DNAH11: variants seen among roughly 807,000 people sequenced by gnomAD.
DNAH11 encodes dynein axonemal heavy chain 11, also known as axonemal beta dynein heavy chain 11.
DNAH11 carries 442 observed loss-of-function variants against 526.0 expected under a neutral mutation model. The observed-to-expected ratio is 0.84, with a 90% confidence interval of 0.78 to 0.91. The LOEUF (loss-of-function observed/expected upper bound fraction) is 0.91. Ranked by LOEUF, DNAH11 falls within the 40% of genes least tolerant of loss-of-function variation. DNAH11 has a pLI of 0.00. For synonymous variants in DNAH11, 2,461 were observed against 1,935.9 expected, an observed-to-expected ratio of 1.27 and a Z score of -7.12; for missense variants, 6,989 against 5,448.7, an observed-to-expected ratio of 1.28 and a Z score of -8.90.
At chr7:21,666,842 G>C (rs979195888) in intron 30 of DNAH11, among the ~76,000 whole-genome samples, 1 of 151,144 alleles carries the variant, frequency 6.6e-6, no homozygotes, top group African/African-American at 2.4e-5. Flanking sequence ...ATCATGAGTA[G>C]AGCACATACT....
At chr7:21,621,346 A>G (rs1786045277) in intron 25 of DNAH11, among the ~76,000 whole-genome samples, 1 of 152,194 alleles carries the variant, frequency 6.6e-6, no homozygotes, top group Non-Finnish European at 1.5e-5. Context: ...TACCAACCAA[A>G]AAGAGTCCAG....
chr7:21,813,259 T>C (rs924095024), intron 63 of DNAH11, among the ~76,000 whole-genome samples: 1 of 152,208 alleles, frequency 6.6e-6, no homozygotes, highest in Non-Finnish European at 1.5e-5. Context: ...CTCCACTCAT[T>C]GCTTTGACCC....
intron 55 of DNAH11, among the ~76,000 whole-genome samples, chr7:21,767,978 T>C (rs1041868788): frequency 6.6e-6 from 1 of 152,146 alleles, no homozygotes; most frequent in African/African-American, 2.4e-5. Flanking sequence ...GTTTTGTGTG[T>C]GTTGGCGTGT....
intron 79 of DNAH11, 22 bp from the exon 80 acceptor site, chr7:21,899,313 TC>T: frequency 6.3e-7 from 1 of 1,599,090 alleles, no homozygotes; most frequent in Non-Finnish European, 8.6e-7. Flanking sequence ...AGCAAGTTTT[TC>T]TTCCTCCCTC....
chr7:21,896,169 TTTTTG>T lies in DNAH11; in HGVS notation c.13049+1175_13049+1179del, dbSNP rs779569986. Among the ~76,000 whole-genome samples the T allele has an allele frequency of 1.1e-4, 16 of 152,254 alleles. 1 individual carries two copies. The stretch of plus-strand genomic sequence containing the variant: ...GTGTTTTGTTTGTGGTCAATCATTA[TTTTTG>T]TTTTAATATACTGTACTGATTTCTT... On this transcript the variant is annotated intron_variant, in intron 79 of 81. Coordinates refer to ENST00000409508, the MANE Select transcript of DNAH11 (RefSeq NM_001277115.2).
chr7:21,806,601 T>G (rs748613461), intron 62 of DNAH11, among the ~76,000 whole-genome samples: 29 of 152,198 alleles, frequency 1.9e-4, no homozygotes, highest in Non-Finnish European at 3.5e-4. Flanking sequence ...GTCATTTTTG[T>G]TTTCTGTGGT....
intron 20 of DNAH11, among the ~76,000 whole-genome samples, chr7:21,607,831 A>T (rs1424655698): frequency 6.7e-6 from 1 of 150,194 alleles, no homozygotes; most frequent in Non-Finnish European, 1.5e-5. Flanking sequence ...CCAACTACTC[A>T]GGAGGCTGAG....
At chr7:21,568,753 G>T (rs889062036) in intron 6 of DNAH11, among the ~76,000 whole-genome samples, 4 of 152,184 alleles carry the variant, frequency 2.6e-5, no homozygotes, top group Non-Finnish European at 5.9e-5. Context: ...ACAGGGGGCT[G>T]CTGAAGCAGA....
rs536807394 is a variant in DNAH11, at chr7:21,725,724, T to C, written c.7267-87T>C. 7.4e-6 allele frequency: 10 copies of C among 1,360,016 alleles called. No homozygotes were observed. In the East Asian group the frequency reaches 2.2e-4, roughly 31 times the overall value. 84.2% of individuals were successfully genotyped at this position (1,360,016 alleles called of 1,614,324 possible). A position where few individuals can be genotyped will look rare whatever the true frequency, so the allele number is the denominator to read the frequency against. ...TATGGCAATTTTAGGTTTCTACCCC[T>C]ATGATATTGTTACTCATAATTTGTT... On this transcript the variant is annotated intron_variant, in intron 44 of 81. Transcript: ENST00000409508.
intron 65 of DNAH11, among the ~76,000 whole-genome samples, chr7:21,819,862 T>C (rs1484042081): frequency 1.3e-5 from 2 of 152,162 alleles, no homozygotes; most frequent in Non-Finnish European, 2.9e-5. Flanking sequence ...TTAATTCAAA[T>C]TAATAATATT....
At chr7:21,685,287 T>C (rs1336315140) in intron 32 of DNAH11, among the ~76,000 whole-genome samples, 1 of 152,004 alleles carries the variant, frequency 6.6e-6, no homozygotes, top group East Asian at 1.9e-4. Flanking sequence ...CCATTGTCAA[T>C]AGAGAAGGAG....
rs989108454 is a variant in DNAH11, at chr7:21,570,197, G to A, written c.1323G>A (p.Leu441=). 1.9e-6 allele frequency: 3 copies of A among 1,613,332 alleles called. No individual in the cohort carries two copies. The highest frequency in any genetic ancestry group is 2.7e-5 in the African/African-American group (2 of 74,900). The change falls in exon 7 of 82, where the codon TTG becomes TTA. Residue 441 remains leucine, a synonymous_variant. Transcript: ENST00000409508. ...CCTTTTTCAACTATAGAAAAAAATT[G>A]GCAAGCTACTTTATGGGAAGAAAGC... The part of the protein sequence containing the change: ...KNSFFNYRKK[L]ASYFMGRKLR...
In DNAH11 at chr7:21,588,218, G is replaced by T. The variant is rs1411481376; in HGVS notation, c.1848+17G>T. ...ATGAAACAGGTAAGTGGTGGATAAG[G>T]TTGGACACATTTACAATATCATTTA... On this transcript the variant is annotated intron_variant, in intron 10 of 81. Transcript: ENST00000409508. 1.9e-6 allele frequency: 3 copies of T among 1,603,714 alleles called. No individual in the cohort carries two copies. Among genetic ancestry groups the T allele is most frequent in the Non-Finnish European group, 2.6e-6 (3 of 1,176,258 alleles).
At chr7:21,779,463 A>G (rs1247406115) in intron 57 of DNAH11, among the ~76,000 whole-genome samples, 1 of 152,168 alleles carries the variant, frequency 6.6e-6, no homozygotes, top group Non-Finnish European at 1.5e-5. Flanking sequence ...GAACAACTCA[A>G]TTGTTAACAA....
chr7:21,772,858 C>T (rs1279016645), intron 55 of DNAH11, among the ~76,000 whole-genome samples: 2 of 152,140 alleles, frequency 1.3e-5, no homozygotes, highest in Non-Finnish European at 2.9e-5. Flanking sequence ...CACACCTCTG[C>T]TTGTAATATT....
chr7:21,737,490 A>G (rs576436561), intron 46 of DNAH11, among the ~76,000 whole-genome samples: 9 of 152,338 alleles, frequency 5.9e-5, no homozygotes, highest in Admixed American at 4.6e-4. Context: ...TGAACCATTG[A>G]TAGGGAAGCA....
intron 76 of DNAH11, among the ~76,000 whole-genome samples, chr7:21,889,561 A>G (rs1784255783): frequency 6.6e-6 from 1 of 152,166 alleles, no homozygotes; most frequent in Non-Finnish European, 1.5e-5. Flanking sequence ...CAAGACTGCT[A>G]CTGTCCACAT....
intron 25 of DNAH11, among the ~76,000 whole-genome samples, chr7:21,635,318 A>G (rs1014938943): frequency 3.9e-5 from 6 of 152,060 alleles, no homozygotes; most frequent in African/African-American, 7.2e-5. Flanking sequence ...CACCACGCCC[A>G]GCTAATTTCT....
intron 25 of DNAH11, among the ~76,000 whole-genome samples, chr7:21,621,379 A>G (rs1278893326): frequency 6.6e-6 from 1 of 152,190 alleles, no homozygotes; most frequent in African/African-American, 2.4e-5. Flanking sequence ...TCACAGCCGA[A>G]TTCTACCAGA....
Sources: allele counts gnomAD v4.1 joint callset (sites outside exome capture counted in the v4.1 genomes callset), GRCh38; gene constraint gnomAD v4.1.1; transcripts MANE v1.5; gene names NCBI Gene and HGNC (gene_info 2026-07-23, HGNC 2026-07-21).